CDIP1: variants seen among roughly 807,000 people sequenced by gnomAD.
The protein encoded by CDIP1 is cell death-inducing p53-target protein 1.
A neutral mutation model predicts 17.7 loss-of-function variants in CDIP1; 9 were observed. The ratio of observed to expected loss-of-function variants is 0.51; its 90% CI spans 0.31 to 0.89. The LOEUF is 0.89. Ranked by LOEUF, CDIP1 falls within the 40% of genes least tolerant of loss-of-function variation. The pLI, the probability that CDIP1 is intolerant of heterozygous loss-of-function variation, is 0.05. For synonymous variants in CDIP1, 117 were observed against 109.5 expected, an observed-to-expected ratio of 1.07 and a Z score of -0.43; for missense variants, 263 against 277.9, an observed-to-expected ratio of 0.95 and a Z score of 0.38.
rs775660786 is a variant in CDIP1, at chr16:4,512,436, G to A, written c.*136C>T. 2 of 682,608 alleles carry A rather than the reference G, an allele frequency of 2.9e-6. No homozygotes were observed. The highest frequency in any genetic ancestry group is 5.3e-6 in the Non-Finnish European group (2 of 376,718). 42.3% of individuals were successfully genotyped at this position (682,608 alleles called of 1,614,324 possible). On this transcript the variant is annotated 3_prime_UTR_variant, in exon 6 of 6. Transcript: ENST00000567695. The surrounding 1 kb of genome is among the most constrained non-coding windows in gnomAD (Gnocchi z 4.6). Reference sequence around the variant, plus strand: ...GTCAGCGGCTCAGGTAGGGCAGGGTGAAGAGGACAGGACTTCTAGGGGATG... The same window carrying A: ...GTCAGCGGCTCAGGTAGGGCAGGGTAAAGAGGACAGGACTTCTAGGGGATG...
chr16:4,513,885 C>T lies in CDIP1; in HGVS notation c.86-34G>A, dbSNP rs1390161801. On this transcript the variant is annotated intron_variant, in intron 3 of 5. Transcript: ENST00000567695. This position sits in a 1 kb window ranked among gnomAD's most constrained non-coding sequence, Gnocchi z 4.1. ...AGAGAGGCAGAAAGAGGAGACTGAG[C>T]TGGAGCCTCTGCACGATGAGCTCGA... 2 of 1,529,410 alleles carry T rather than the reference C, an allele frequency of 1.3e-6. No homozygotes were observed. Among genetic ancestry groups the T allele is most frequent in the East Asian group, 2.3e-5 (1 of 43,160 alleles). 94.7% of individuals were successfully genotyped at this position (1,529,410 alleles called of 1,614,324 possible). A position where few individuals can be genotyped will look rare whatever the true frequency, so the allele number is the denominator to read the frequency against.
intron 1 of CDIP1, among the ~76,000 whole-genome samples, chr16:4,529,340 G>C (rs922636947): frequency 1.3e-5 from 2 of 152,326 alleles, no homozygotes; most frequent in South Asian, 2.1e-4. Flanking sequence ...GTCCCCGTTG[G>C]ATGCATAATA....
intron 1 of CDIP1, chr16:4,533,678 A>T (rs1287364914): frequency 6.6e-6 from 1 of 151,040 alleles, no homozygotes; most frequent in African/African-American, 2.4e-5. Context: ...CGTAACTCAC[A>T]CTCCTCCAAA....
At chr16:4,520,957 G>A (rs952824130) in intron 1 of CDIP1, among the ~76,000 whole-genome samples, 1 of 152,132 alleles carries the variant, frequency 6.6e-6, no homozygotes, top group Non-Finnish European at 1.5e-5. Context: ...TTTTCCTCAC[G>A]ACAGCATCAA....
chr16:4,516,873 G>A (rs1243196813), intron 1 of CDIP1, among the ~76,000 whole-genome samples: 1 of 151,804 alleles, frequency 6.6e-6, no homozygotes, highest in Non-Finnish European at 1.5e-5. Context: ...ACGACTGGCT[G>A]ATTTTTGTAT....
chr16:4,514,584 G>C lies in CDIP1; in HGVS notation c.-24C>G, dbSNP rs1283380661. ...CTGGGGGATTTCTTACCTCAAATCC[G>C]TGCTACTCAGAGAAGGGAGGCAGGT... On this transcript the variant is annotated 5_prime_UTR_variant, in exon 2 of 6. Coordinates refer to ENST00000567695, the MANE Select transcript of CDIP1 (RefSeq NM_013399.3). This position sits in a 1 kb window ranked among gnomAD's most constrained non-coding sequence, Gnocchi z 5.2. 1 of 158,480 alleles carries C rather than the reference G, an allele frequency of 6.3e-6. No individual in the cohort carries two copies. The highest frequency in any genetic ancestry group is 1.4e-5 in the Non-Finnish European group (1 of 72,462). The allele number at this position is 158,480 out of a possible 1,614,324, so 9.8% of individuals were successfully genotyped here.
Position 4,523,063 on chromosome 16 carries a change from C to T in CDIP1, c.-104-8399G>A, listed in dbSNP as rs559353512. 5.3e-5 allele frequency among the ~76,000 whole-genome samples: 8 copies of T among 152,372 alleles called. No homozygotes were observed. The South Asian group carries it at 1.4e-3, about 28-fold the overall frequency. Reference sequence around the variant, plus strand: ...CAAGGGATGGCCGCTGACCACGTAGCTGTTCCGCCTATTCTCCCAAGCACC... The same window carrying T: ...CAAGGGATGGCCGCTGACCACGTAGTTGTTCCGCCTATTCTCCCAAGCACC... On this transcript the variant is annotated intron_variant, in intron 1 of 5. Coordinates refer to ENST00000567695, the MANE Select transcript of CDIP1 (RefSeq NM_013399.3).
rs534710939 is a variant in CDIP1, at chr16:4,528,098, T to G, written c.-105+10604A>C. Among the ~76,000 whole-genome samples, 391 of 152,340 alleles carry G rather than the reference T, an allele frequency of 2.6e-3. 8 individuals carry two copies. Among genetic ancestry groups the G allele is most frequent in the Admixed American group, 0.022 (332 of 15,292 alleles). On this transcript the variant is annotated intron_variant, in intron 1 of 5. Coordinates refer to ENST00000567695, the MANE Select transcript of CDIP1 (RefSeq NM_013399.3). ...TCTCAAAGTGCTGGAATTACAAGCA[T>G]GAGCCACCATGCCTGGCCAATGATA...
chr16:4,532,377 T>A (rs2059065071), intron 1 of CDIP1: 1 of 151,938 alleles, frequency 6.6e-6, no homozygotes, highest in Non-Finnish European at 1.5e-5. Flanking sequence ...AAATAAAACA[T>A]CGGGCCTGGC....
intron 1 of CDIP1, among the ~76,000 whole-genome samples, chr16:4,534,402 C>T (rs1490185297): frequency 6.6e-6 from 1 of 152,244 alleles, no homozygotes; most frequent in African/African-American, 2.4e-5. Context: ...TTCCAGTCAA[C>T]TCCGTGATGC....
In CDIP1 at chr16:4,537,406, G is replaced by C. The variant is rs771891294; in HGVS notation, c.-105+1296C>G. 1.6e-4 allele frequency among the ~76,000 whole-genome samples: 25 copies of C among 152,332 alleles called. 1 individual carries two copies. The highest frequency in any genetic ancestry group is 2.1e-4 in the Non-Finnish European group (14 of 68,032). Reference sequence around the variant, plus strand: ...CTTTCCGATTAAGGGCAGAGGGCAAGGCAGAGCTGGCACGCCTCCCTCCAC... The same window carrying C: ...CTTTCCGATTAAGGGCAGAGGGCAACGCAGAGCTGGCACGCCTCCCTCCAC... On this transcript the variant is annotated intron_variant, in intron 1 of 5. Transcript: ENST00000567695.
chr16:4,512,430 C>G lies in CDIP1; in HGVS notation c.*142G>C. On this transcript the variant is annotated 3_prime_UTR_variant, in exon 6 of 6. Coordinates refer to ENST00000567695, the MANE Select transcript of CDIP1 (RefSeq NM_013399.3). The surrounding 1 kb of genome is among the most constrained non-coding windows in gnomAD (Gnocchi z 4.6). ...AGAAGAGTCAGCGGCTCAGGTAGGGCAGGGTGAAGAGGACAGGACTTCTAG... is the reference window on the plus strand; with the variant it reads ...AGAAGAGTCAGCGGCTCAGGTAGGGGAGGGTGAAGAGGACAGGACTTCTAG... The G allele has an allele frequency of 4.5e-6, 3 of 663,920 alleles. No homozygotes were observed. The East Asian group carries it at 8.2e-5, about 18-fold the overall frequency. 41.1% of individuals were successfully genotyped at this position (663,920 alleles called of 1,614,324 possible).
At chr16:4,529,904 C>T (rs1310394792) in intron 1 of CDIP1, among the ~76,000 whole-genome samples, 1 of 152,264 alleles carries the variant, frequency 6.6e-6, no homozygotes, top group Admixed American at 6.5e-5. Context: ...CCGTCCTTAG[C>T]CAGGGAGCTG....
intron 1 of CDIP1, among the ~76,000 whole-genome samples, chr16:4,534,853 G>A (rs957695472): frequency 6.6e-6 from 1 of 151,844 alleles, no homozygotes; most frequent in African/African-American, 2.4e-5. Flanking sequence ...GGAGTAGCTG[G>A]GATTACAGGC....
intron 1 of CDIP1, among the ~76,000 whole-genome samples, chr16:4,526,976 T>C (rs1252901548): frequency 6.6e-6 from 1 of 151,756 alleles, no homozygotes; most frequent in Non-Finnish European, 1.5e-5. Context: ...GAGCAGCCCC[T>C]TATCAAGAAT....
chr16:4,523,574 TG>T (rs2058972226), intron 1 of CDIP1, among the ~76,000 whole-genome samples: 1 of 151,972 alleles, frequency 6.6e-6, no homozygotes, highest in Non-Finnish European at 1.5e-5. Context: ...GTGAAGAGGA[TG>T]AGCGTTAAAT....
chr16:4,516,231 G>A (rs910792410), intron 1 of CDIP1, among the ~76,000 whole-genome samples: 4 of 152,048 alleles, frequency 2.6e-5, no homozygotes, highest in Non-Finnish European at 4.4e-5. Flanking sequence ...CCATAGAAAC[G>A]GAAAGTACAT....
chr16:4,532,925 G>A (rs1371330667), intron 1 of CDIP1: 1 of 152,188 alleles, frequency 6.6e-6, no homozygotes, highest in Non-Finnish European at 1.5e-5. Context: ...CCTGAACAGG[G>A]CAGGACTCTT....
chr16:4,527,460 A>C (rs2059011815), intron 1 of CDIP1, among the ~76,000 whole-genome samples: 1 of 152,190 alleles, frequency 6.6e-6, no homozygotes, highest in Admixed American at 6.5e-5. Context: ...ACCTAAAAGT[A>C]CTAAGGCCTC....
Sources: allele counts gnomAD v4.1 joint callset (sites outside exome capture counted in the v4.1 genomes callset), GRCh38; gene constraint gnomAD v4.1.1; non-coding constraint Gnocchi (gnomAD v3.1); transcripts MANE v1.5; gene names NCBI Gene and HGNC (gene_info 2026-07-23, HGNC 2026-07-21).